The following CCDC146 variants were observed in gnomAD, a reference collection of about 807,000 sequenced individuals.
The protein encoded by CCDC146 is coiled-coil domain containing 146, also known as coiled-coil domain-containing protein 146.
In CCDC146, 92 loss-of-function variants were observed where a neutral mutation model predicts 119.3. The observed-to-expected ratio is 0.77, with a 90% CI of 0.65 to 0.92. The LOEUF (loss-of-function observed/expected upper bound fraction) is 0.92. Among genes scored for constraint, CCDC146 ranks in the 40% least tolerant of loss-of-function variants. CCDC146 has a pLI of 0.00. For synonymous variants in CCDC146, 372 were observed against 371.8 expected (o/e 1.00, Z -0.01); for missense variants, 1,000 against 1,103.0 (o/e 0.91, Z 1.32).
chr7:77,127,553 A>G (rs1761989443), intron 1 of CCDC146, among the ~76,000 whole-genome samples: 1 of 152,150 alleles, frequency 6.6e-6, no homozygotes, highest in African/African-American at 2.4e-5. Context: ...ATATTGGTCC[A>G]AAGTATTCTT....
intron 1 of CCDC146, among the ~76,000 whole-genome samples, chr7:77,133,296 A>G (rs1356773058): frequency 1.3e-5 from 2 of 152,222 alleles, no homozygotes; most frequent in African/African-American, 4.8e-5. Flanking sequence ...TTAGTGCTAC[A>G]CTTTAATAAT....
At chr7:77,276,205 C>CAAAAA (rs71524927) in intron 11 of CCDC146, among the ~76,000 whole-genome samples, 50 of 126,730 alleles carry the variant, frequency 3.9e-4, no homozygotes, top group Admixed American at 1.1e-3. Flanking sequence ...GACTTCCTCT[C>CAAAAA]AAAAATAAAA....
At chr7:77,257,724 A>C (rs3108429) in intron 6 of CCDC146, among the ~76,000 whole-genome samples, 1 of 152,004 alleles carries the variant, frequency 6.6e-6, no homozygotes, top group Non-Finnish European at 1.5e-5. Context: ...ACCTCCCTGC[A>C]TGTGTGTTAC....
chr7:77,279,242 T>G (rs892481922), intron 13 of CCDC146, 141 bp downstream of exon 13: 4 of 610,546 alleles, frequency 6.6e-6, no homozygotes, highest in Non-Finnish European at 1.1e-5. Context: ...CCAGCCTGGG[T>G]GACAGAATGA....
intron 2 of CCDC146, among the ~76,000 whole-genome samples, chr7:77,203,146 C>A (rs560622986): frequency 2.7e-5 from 4 of 149,396 alleles, no homozygotes; most frequent in Non-Finnish European, 5.9e-5. Flanking sequence ...AAGAGGTGAA[C>A]CAGTGTGGAG....
chr7:77,266,819 T>C (rs930077059), intron 9 of CCDC146, among the ~76,000 whole-genome samples: 1 of 152,156 alleles, frequency 6.6e-6, no homozygotes, highest in African/African-American at 2.4e-5. Context: ...GACACATTCA[T>C]GTGTCACTCA....
chr7:77,253,698 G>T (rs2150505325), intron 4 of CCDC146, among the ~76,000 whole-genome samples: 1 of 152,316 alleles, frequency 6.6e-6, no homozygotes, highest in Admixed American at 6.5e-5. Context: ...AGGTCATGAT[G>T]AATACTGTAT....
chr7:77,137,911 A>T (rs183857368), intron 1 of CCDC146, among the ~76,000 whole-genome samples: 219 of 150,736 alleles, frequency 1.5e-3, no homozygotes, highest in African/African-American at 5.1e-3. Context: ...CAAAAGTGCA[A>T]TAGACTAGGG....
At chr7:77,225,669 G>A (rs1241791105) in intron 2 of CCDC146, among the ~76,000 whole-genome samples, 2 of 151,734 alleles carry the variant, frequency 1.3e-5, no homozygotes, top group Non-Finnish European at 2.9e-5. Context: ...AGGGCCGTGC[G>A]TGGTGGCTCA....
chr7:77,151,926 C>T (rs1192309998), intron 1 of CCDC146, among the ~76,000 whole-genome samples: 2 of 152,190 alleles, frequency 1.3e-5, no homozygotes, highest in Non-Finnish European at 2.9e-5. Context: ...TAGTGTAGTG[C>T]TCCCAGCCAG....
At chr7:77,123,403 GGTGTGTGTGT>G (rs557580080) in intron 1 of CCDC146, among the ~76,000 whole-genome samples, 3,409 of 125,254 alleles carry the variant, frequency 0.027, 66 homozygotes, top group African/African-American at 0.048. Context: ...GACCCTATAA[GGTGTGTGTGT>G]GTGTGTGTGT....
intron 14 of CCDC146, 119 bp from the exon 15 acceptor site, chr7:77,282,438 T>C (rs1282804111): frequency 1.1e-5 from 7 of 654,494 alleles, no homozygotes; most frequent in Non-Finnish European, 1.6e-5. Context: ...CTATCTGTGA[T>C]CCTCTGGAAG....
chr7:77,230,309 G>T (rs1000188845), intron 2 of CCDC146, among the ~76,000 whole-genome samples: 1 of 151,948 alleles, frequency 6.6e-6, no homozygotes, highest in Non-Finnish European at 1.5e-5. Context: ...TACACTCTTT[G>T]CTTTTTCACG....
intron 16 of CCDC146, 173 bp from the exon 17 acceptor site, chr7:77,287,267 G>A (rs1334728131): frequency 1.6e-5 from 10 of 642,338 alleles, no homozygotes; most frequent in Admixed American, 5.8e-5. Flanking sequence ...GGCCATACTC[G>A]AACTCCCAGA....
intron 2 of CCDC146, among the ~76,000 whole-genome samples, chr7:77,190,978 A>ACAG (rs1791753083): frequency 6.6e-6 from 1 of 152,166 alleles, no homozygotes; most frequent in Non-Finnish European, 1.5e-5. Flanking sequence ...TTGGGCAGGT[A>ACAG]CAGCAATATG....
chr7:77,282,549 G>T lies in CCDC146; in HGVS notation c.1920-8G>T. The stretch of plus-strand genomic sequence containing the variant: ...CCACTTAGCCTCTGCCTCTGAATTT[G>T]ACCATAGTGGCGTTCAGCTGATAGA... On this transcript the variant is annotated splice_region_variant and splice_polypyrimidine_tract_variant and intron_variant, in intron 14 of 18. Coordinates refer to ENST00000285871, the MANE Select transcript of CCDC146 (RefSeq NM_020879.3). The T allele has an allele frequency of 6.3e-7, 1 of 1,586,236 alleles. No homozygotes were observed. The highest frequency in any genetic ancestry group is 1.1e-5 in the South Asian group (1 of 87,154).
In CCDC146 at chr7:77,260,246, A is replaced by G; in HGVS notation, c.986+10A>G. 6.3e-7 allele frequency: 1 copy of G among 1,588,006 alleles called. No individual in the cohort carries two copies. The highest frequency in any genetic ancestry group is 2.2e-5 in the East Asian group (1 of 44,680). On this transcript the variant is annotated intron_variant, in intron 8 of 18. Coordinates refer to ENST00000285871, the MANE Select transcript of CCDC146 (RefSeq NM_020879.3). ...CTTCATTAACTGAAAGGTTAGTTATATTTATGTATGTTATGTTCTGTCATC... is the reference window on the plus strand; with the variant it reads ...CTTCATTAACTGAAAGGTTAGTTATGTTTATGTATGTTATGTTCTGTCATC...
intron 1 of CCDC146, among the ~76,000 whole-genome samples, chr7:77,165,690 C>T (rs1303631494): frequency 6.6e-6 from 1 of 152,218 alleles, no homozygotes; most frequent in Non-Finnish European, 1.5e-5. Context: ...GGGGACAGTT[C>T]TGGAACCTAC....
chr7:77,235,999 A>G (rs943861064), intron 2 of CCDC146, among the ~76,000 whole-genome samples: 1 of 151,852 alleles, frequency 6.6e-6, no homozygotes, highest in African/African-American at 2.4e-5. Flanking sequence ...TAAACCCGGG[A>G]GGCAGAGGTT....
Sources: gnomAD v4.1 joint callset for allele counts (sites outside exome capture counted in the v4.1 genomes callset) on GRCh38, gnomAD v4.1.1 for gene constraint, MANE v1.5 for transcripts, NCBI Gene and HGNC (gene_info 2026-07-23, HGNC 2026-07-21) for gene names.